The following FBXO34 variants were observed in gnomAD, a reference collection of about 807,000 sequenced individuals.
FBXO34 encodes the protein F-box protein 34, also known as F-box only protein 34.
FBXO34 carries 12 observed loss-of-function variants against 24.5 expected under a neutral mutation model. That is an observed-to-expected ratio of 0.49 (90% CI 0.31 to 0.79). The LOEUF is 0.79. FBXO34 is among the 30% of genes least tolerant of loss of function. The probability of loss-of-function intolerance (pLI) is 0.04; values close to 1 mark genes in which losing one functional copy is unlikely to be tolerated. For synonymous variants in FBXO34, 320 were observed against 311.9 expected (o/e 1.03, Z -0.27); for missense variants, 823 against 857.7 (o/e 0.96, Z 0.51).
chr14:55,353,926 G>T (rs568229011), downstream of FBXO34, among the ~76,000 whole-genome samples: 9 of 152,302 alleles, frequency 5.9e-5, no homozygotes, highest in Admixed American at 3.9e-4. Flanking sequence ...TAGCTGCTTA[G>T]TGCTTGGTGG....
chr14:55,332,617 A>G (rs1357164886), intron 1 of FBXO34, among the ~76,000 whole-genome samples: 3 of 152,226 alleles, frequency 2.0e-5, no homozygotes, highest in Non-Finnish European at 4.4e-5. Flanking sequence ...ACTGAGTGTT[A>G]GTATGGACAT....
At position 55,367,219 on chromosome 14, in the gene FBXO34, C is replaced by CA. The variant is rs1884699101; in HGVS notation, c.*418dup. 3 of 152,338 alleles carry CA rather than the reference C, an allele frequency of 2.0e-5. No homozygotes were observed. In the South Asian group the frequency reaches 6.2e-4, roughly 32 times the overall value. 9.4% of individuals were successfully genotyped at this position (152,338 alleles called of 1,614,324 possible). On this transcript the variant is annotated 3_prime_UTR_variant and NMD_transcript_variant, in exon 3 of 3. Coordinates refer to the FBXO34 transcript ENST00000680658. ...CTGTTGTGCATCTCTCAGCTGAAGTCAGTCTCCACCACCAAGCTCCAAATC... is the reference window on the plus strand; with the variant it reads ...CTGTTGTGCATCTCTCAGCTGAAGTCAAGTCTCCACCACCAAGCTCCAAATC...
At chr14:55,372,018 C>T (rs367713011), downstream of FBXO34, among the ~76,000 whole-genome samples, 1 of 152,098 alleles carries the variant, frequency 6.6e-6, no homozygotes, top group East Asian at 1.9e-4. Flanking sequence ...CATTTCTTTT[C>T]TCCCCTTTTT....
At chr14:55,437,670 G>A in the FBXO34 span, among the ~76,000 whole-genome samples, 1 of 152,236 alleles carries the variant, frequency 6.6e-6, no homozygotes, top group Non-Finnish European at 1.5e-5. Context: ...ATACTTTGAA[G>A]AGAACAGATA....
At chr14:55,390,899 C>G in the FBXO34 span, 3 of 1,551,360 alleles carry the variant, frequency 1.9e-6, no homozygotes, top group Non-Finnish European at 2.7e-6. Context: ...AGGAAGGACA[C>G]GAATTACTTA....
downstream of FBXO34, among the ~76,000 whole-genome samples, chr14:55,372,092 C>T (rs1461312318): frequency 1.3e-5 from 2 of 152,232 alleles, no homozygotes; most frequent in South Asian, 2.1e-4. Context: ...TAGCGCCACT[C>T]CCAAATATCC....
rs267604008 is a variant in FBXO34, at chr14:55,352,347, C to T, written c.1957C>T (p.Pro653Ser). 6.2e-7 allele frequency: 1 copy of T among 1,614,194 alleles called. No homozygotes were observed. The highest frequency in any genetic ancestry group is 8.5e-7 in the Non-Finnish European group (1 of 1,180,032). The change falls in exon 2 of 2, where the codon CCC becomes TCC. Residue 653 changes from proline to serine, a missense_variant. Physicochemically the swap from Pro to Ser is moderately conservative, Grantham distance 74. Transcript: ENST00000313833. ...DVSLCRWHPK[P>S]YCQALPYGPG... ...GTCCCTGTGCCGATGGCACCCCAAG[C>T]CCTATTGCCAGGCATTGCCCTATGG... is the stretch of plus-strand genomic sequence containing the variant.
chr14:55,289,181 T>TC (rs1283919495), intron 1 of FBXO34, among the ~76,000 whole-genome samples: 3 of 152,092 alleles, frequency 2.0e-5, no homozygotes, highest in South Asian at 2.1e-4. Flanking sequence ...TTCTCTTTTT[T>TC]CCCCCCTTTC....
At chr14:55,435,870 T>C in the FBXO34 span, 1 of 1,570,964 alleles carries the variant, frequency 6.4e-7, no homozygotes, top group South Asian at 1.2e-5. Flanking sequence ...TCTGCATTTT[T>C]TGCATGCAAA....
chr14:55,332,714 T>C (rs916732316), intron 1 of FBXO34, among the ~76,000 whole-genome samples: 3 of 152,226 alleles, frequency 2.0e-5, no homozygotes, highest in South Asian at 2.1e-4. Flanking sequence ...TTTTGAACTT[T>C]TAGTTTATCA....
chr14:55,338,067 T>TTTTTTTTTTTTTTTTTTTTTTTTC, intron 1 of FBXO34, among the ~76,000 whole-genome samples: 1 of 142,758 alleles, frequency 7.0e-6, no homozygotes, highest in African/African-American at 2.7e-5. Flanking sequence ...TTTTTTTTTT[T>TTTTTTTTTTTTTTTTTTTTTTTTC]GAGATGGAGT....
intron 1 of FBXO34, among the ~76,000 whole-genome samples, chr14:55,287,941 G>T (rs544517585): frequency 2.0e-4 from 30 of 152,278 alleles, no homozygotes; most frequent in Admixed American, 1.6e-3. Flanking sequence ...TTGTGTGCCT[G>T]TGTTTTGACT....
intron 1 of FBXO34, among the ~76,000 whole-genome samples, chr14:55,274,051 A>G (rs1354524809): frequency 1.3e-5 from 2 of 152,050 alleles, no homozygotes; most frequent in African/African-American, 4.8e-5. Flanking sequence ...TGATCCGCCC[A>G]CCTCAGCCTC....
chr14:55,380,655 C>A, the FBXO34 span: 3 of 1,612,174 alleles, frequency 1.9e-6, no homozygotes, highest in Admixed American at 3.3e-5. Context: ...CACAGCGCAG[C>A]ACTGATGGTG....
At chr14:55,372,043 A>ACAGTT (rs1884830724), downstream of FBXO34, among the ~76,000 whole-genome samples, 1 of 151,874 alleles carries the variant, frequency 6.6e-6, no homozygotes, top group African/African-American at 2.4e-5. Flanking sequence ...TCCTTGGCAA[A>ACAGTT]CAGTTCTACT....
the FBXO34 span, among the ~76,000 whole-genome samples, chr14:55,399,891 T>A: frequency 3.3e-5 from 5 of 152,348 alleles, no homozygotes; most frequent in African/African-American, 1.2e-4. Flanking sequence ...AGTGAGCTGG[T>A]TGATTTTCTT....
At chr14:55,365,059 A>T (rs1321790656), downstream of FBXO34, among the ~76,000 whole-genome samples, 20 of 49,254 alleles carry the variant, frequency 4.1e-4, no homozygotes, top group East Asian at 2.0e-3. Flanking sequence ...TCTCTACTTT[A>T]AAAAAAAAAA....
At chr14:55,394,080 C>T in the FBXO34 span, among the ~76,000 whole-genome samples, 1 of 150,058 alleles carries the variant, frequency 6.7e-6, no homozygotes. Context: ...AATCTCGGCT[C>T]ACTGTGATCT....
the FBXO34 span, among the ~76,000 whole-genome samples, chr14:55,383,484 G>A: frequency 2.0e-5 from 3 of 152,254 alleles, no homozygotes; most frequent in South Asian, 4.2e-4. Context: ...CTGGGAGGCA[G>A]AAGTTGCAGT....
Sources: gnomAD v4.1 joint callset for allele counts (sites outside exome capture counted in the v4.1 genomes callset) on GRCh38, gnomAD v4.1.1 for gene constraint, MANE v1.5 for transcripts, NCBI Gene and HGNC (gene_info 2026-07-23, HGNC 2026-07-21) for gene names.